Variants in ZC3H7A observed in about 807,000 individuals in gnomAD.
ZC3H7A encodes zinc finger CCCH-type containing 7A.
A neutral mutation model predicts 125.5 loss-of-function variants in ZC3H7A; 44 were observed. That is an observed-to-expected ratio of 0.35 (90% CI 0.28 to 0.45). The LOEUF (loss-of-function observed/expected upper bound fraction) is 0.45, where lower values mean the gene tolerates loss of function less well. Ranked by LOEUF, ZC3H7A falls within the 20% of genes least tolerant of loss-of-function variation. ZC3H7A has a pLI of 1.00. For synonymous variants in ZC3H7A, 399 were observed against 391.2 expected (o/e 1.02, Z -0.23); for missense variants, 977 against 1,170.7 (o/e 0.83, Z 2.41).
chr16:11,791,483 C>A (rs868692181), intron 1 of ZC3H7A, among the ~76,000 whole-genome samples: 38 of 152,320 alleles, frequency 2.5e-4, no homozygotes, highest in South Asian at 1.4e-3. Context: ...AGTCTCACCC[C>A]TCTTATTCAC....
intron 19 of ZC3H7A, among the ~76,000 whole-genome samples, chr16:11,761,195 C>T (rs1262342149): frequency 1.3e-5 from 2 of 152,100 alleles, no homozygotes; most frequent in African/African-American, 2.4e-5. Flanking sequence ...TTACTTTTTC[C>T]AAGTAACTCA....
At chr16:11,784,620 C>T (rs2053226689) in intron 1 of ZC3H7A, among the ~76,000 whole-genome samples, 1 of 151,868 alleles carries the variant, frequency 6.6e-6, no homozygotes, top group Admixed American at 6.6e-5. Context: ...TTTGAGAGGC[C>T]GAGGCGAGTG....
intron 1 of ZC3H7A, among the ~76,000 whole-genome samples, chr16:11,787,951 GAA>G (rs931162790): frequency 7.6e-6 from 1 of 130,784 alleles, no homozygotes; most frequent in Non-Finnish European, 1.7e-5. Context: ...CGTTTCCAAA[GAA>G]AAAAAAAAAA....
At chr16:11,777,012 C>T in intron 4 of ZC3H7A, 103 bp from the exon 5 acceptor site, 1 of 894,114 alleles carries the variant, frequency 1.1e-6, no homozygotes, top group East Asian at 2.9e-5. Context: ...TCCTATTACC[C>T]TCCCTCTAAA....
At chr16:11,779,054 C>T (rs2053131260) in intron 4 of ZC3H7A, 112 bp downstream of exon 4, 1 of 930,118 alleles carries the variant, frequency 1.1e-6, no homozygotes, top group African/African-American at 1.7e-5. Context: ...ACTCCAAAAG[C>T]AGGTAATATG....
chr16:11,774,866 C>A, intron 8 of ZC3H7A, 114 bp downstream of exon 8: 2 of 1,203,766 alleles, frequency 1.7e-6, no homozygotes, highest in Non-Finnish European at 2.4e-6. Context: ...CATATTAATA[C>A]ATTAATATGA....
intron 13 of ZC3H7A, 56 bp downstream of exon 13, chr16:11,767,361 T>A (rs2052877968): frequency 4.7e-6 from 6 of 1,287,198 alleles, no homozygotes; most frequent in Non-Finnish European, 4.2e-6. Flanking sequence ...AAGCTAAGCA[T>A]GACTGTAGTT....
chr16:11,769,784 C>CTTTCTTTTTTTTTTT (rs1485329734), intron 10 of ZC3H7A, among the ~76,000 whole-genome samples: 2 of 61,608 alleles, frequency 3.2e-5, no homozygotes, highest in African/African-American at 1.9e-4. Flanking sequence ...CAATTGCTTT[C>CTTTCTTTTTTTTTTT]TTTTTTTTTT....
rs144125653 is a variant in ZC3H7A, at chr16:11,765,546, G to A, written c.1662C>T (p.Asn554=). ...EAFFGGNGKI[N]LTVFKLLQEH... ...CCTGGAGAAGTTTGAACACAGTAAG[G>A]TTAATCTTTCCATTGCCGCCAAAGA... The change falls in exon 14 of 23, where the codon AAC becomes AAT. Residue 554 remains asparagine, a synonymous_variant. Transcript: ENST00000355758. This position sits in a 1 kb window ranked among gnomAD's most constrained non-coding sequence, Gnocchi z 4.8. 7 of 1,614,138 alleles carry A rather than the reference G, an allele frequency of 4.3e-6. No homozygotes were observed. Among genetic ancestry groups the A allele is most frequent in the Non-Finnish European group, 1.7e-6 (2 of 1,180,002 alleles).
intron 10 of ZC3H7A, 58 bp downstream of exon 10, chr16:11,770,725 A>C: frequency 6.7e-7 from 1 of 1,484,120 alleles, no homozygotes; most frequent in Non-Finnish European, 9.2e-7. Context: ...TGCCAAACAA[A>C]CATTTTCATT....
intron 1 of ZC3H7A, among the ~76,000 whole-genome samples, chr16:11,788,932 AC>A (rs2053304556): frequency 6.6e-6 from 1 of 151,968 alleles, no homozygotes. Context: ...ATTCTATAGA[AC>A]GATTCTGTAT....
Position 11,776,593 on chromosome 16 carries a change from G to A in ZC3H7A, c.466-61C>T. Reference sequence around the variant, plus strand: ...TATTTACTAATGGTGAAGAAGAATAGACAAAACAGGGAAGTTTCCCATCAA... The same window carrying A: ...TATTTACTAATGGTGAAGAAGAATAAACAAAACAGGGAAGTTTCCCATCAA... On this transcript the variant is annotated intron_variant, in intron 5 of 22. Coordinates refer to ENST00000355758, the MANE Select transcript of ZC3H7A (RefSeq NM_014153.4). 6.6e-6 allele frequency: 10 copies of A among 1,522,180 alleles called. No individual in the cohort carries two copies. In the East Asian group the frequency reaches 2.1e-4, roughly 31 times the overall value. The allele number at this position is 1,522,180 out of a possible 1,614,324, so 94.3% of individuals were successfully genotyped here.
At chr16:11,760,211 A>G (rs2052729641) in intron 19 of ZC3H7A, among the ~76,000 whole-genome samples, 1 of 152,058 alleles carries the variant, frequency 6.6e-6, no homozygotes, top group African/African-American at 2.4e-5. Flanking sequence ...AGCTACTGTA[A>G]TGTTGCACAG....
chr16:11,773,896 T>A (rs2053032450), intron 9 of ZC3H7A, among the ~76,000 whole-genome samples: 1 of 151,910 alleles, frequency 6.6e-6, no homozygotes, highest in Non-Finnish European at 1.5e-5. Flanking sequence ...AAAAAATAAA[T>A]AAATAAAAAG....
intron 21 of ZC3H7A, among the ~76,000 whole-genome samples, chr16:11,754,732 A>G (rs1385759372): frequency 6.6e-6 from 1 of 151,518 alleles, no homozygotes; most frequent in African/African-American, 2.4e-5. Context: ...TCTCTACTAA[A>G]AATACAAAAA....
In ZC3H7A at chr16:11,781,422, T is replaced by C; in HGVS notation, c.108+3A>G. ...TTCAAGCAGACCTTCCCGGAGTCAT[T>C]ACCGCATATTGCTCCTGTGTTCCTG... is the stretch of plus-strand genomic sequence containing the variant. On this transcript the variant is annotated splice_donor_region_variant and intron_variant, in intron 3 of 22. Coordinates refer to ENST00000355758, the MANE Select transcript of ZC3H7A (RefSeq NM_014153.4). 1 of 1,603,470 alleles carries C rather than the reference T, an allele frequency of 6.2e-7. No homozygotes were observed.
At chr16:11,754,662 C>A (rs1017570007) in intron 21 of ZC3H7A, among the ~76,000 whole-genome samples, 1 of 152,026 alleles carries the variant, frequency 6.6e-6, no homozygotes, top group Non-Finnish European at 1.5e-5. Flanking sequence ...GAGGCTGAGG[C>A]GGGCAGATCA....
In ZC3H7A at chr16:11,768,410, G is replaced by T; in HGVS notation, c.1265C>A (p.Ala422Glu). ...RNDFGNFFGS[A>E]VTKPSSSVTP... is the part of the protein sequence containing the mutation. ...CACTGATGAAGATGGTTTGGTAACT[G>T]CACTTCCAAAAAAGTTTCCAAAGTC... The change falls in exon 12 of 23, where the codon GCA becomes GAA. Residue 422 changes from alanine to glutamate, a missense_variant. By Grantham distance (107) the Ala-to-Glu change is moderately radical. Around this residue, in one of 3 missense-constraint regions of ZC3H7A, gnomAD observed 342 missense variants for 311.3 expected, o/e 1.10. Coordinates refer to ENST00000355758, the MANE Select transcript of ZC3H7A (RefSeq NM_014153.4). 6.3e-7 allele frequency: 1 copy of T among 1,594,870 alleles called. No homozygotes were observed. Among genetic ancestry groups the T allele is most frequent in the Non-Finnish European group, 8.6e-7 (1 of 1,167,820 alleles).
At chr16:11,776,599 AC>A in intron 5 of ZC3H7A, 67 bp from the exon 6 acceptor site, 5 of 1,516,444 alleles carry the variant, frequency 3.3e-6, no homozygotes, top group Non-Finnish European at 3.6e-6. Flanking sequence ...AATAGACAAA[AC>A]AGGGAAGTTT....
Sources: gnomAD v4.1 joint callset for allele counts (sites outside exome capture counted in the v4.1 genomes callset) on GRCh38, gnomAD v4.1.1 for gene constraint, gnomAD v4.1.1 regional missense constraint, Gnocchi (gnomAD v3.1) non-coding constraint, MANE v1.5 for transcripts, NCBI Gene and HGNC (gene_info 2026-07-23, HGNC 2026-07-21) for gene names.